PHLPP1: variants seen among roughly 807,000 people sequenced by gnomAD.
PHLPP1 encodes the protein PH domain and leucine rich repeat protein phosphatase 1.
Under a neutral mutation model 117.2 loss-of-function variants are expected in PHLPP1, and 42 were observed. That is an observed-to-expected ratio of 0.36 (90% CI 0.28 to 0.46). The LOEUF (loss-of-function observed/expected upper bound fraction) is 0.46. Among genes scored for constraint, PHLPP1 ranks in the 20% least tolerant of loss-of-function variants. The pLI, the probability that PHLPP1 is intolerant of heterozygous loss-of-function variation, is 1.00. For missense variants in PHLPP1, 2,084 were observed against 2,241.9 expected (o/e 0.93, Z 1.42); for synonymous variants, 1,042 against 970.7 (o/e 1.07, Z -1.37).
chr18:62,935,470 A>T (rs1330416142), intron 10 of PHLPP1, among the ~76,000 whole-genome samples: 1 of 152,230 alleles, frequency 6.6e-6, no homozygotes. Flanking sequence ...ATTTAACACA[A>T]TCATCATGTA....
intron 3 of PHLPP1, among the ~76,000 whole-genome samples, chr18:62,845,600 C>T (rs73967017): frequency 2.0e-5 from 3 of 152,074 alleles, no homozygotes; most frequent in Admixed American, 6.5e-5. Flanking sequence ...TCCAACATAT[C>T]GATTTGTGTT....
In PHLPP1 at chr18:62,975,502, T is replaced by C. The variant is rs770575167; in HGVS notation, c.3861T>C (p.Asn1287=). The part of the protein sequence containing the change: ...PGGSFTLTSA[N]VGKCQTVLCR... ...GATCCTTCACCTTGACCTCTGCTAATGTGGGCAAGTGCCAAACAGTTCTCT... is the reference window on the plus strand; with the variant it reads ...GATCCTTCACCTTGACCTCTGCTAACGTGGGCAAGTGCCAAACAGTTCTCT... The change falls in exon 16 of 17, where the codon AAT becomes AAC. Residue 1287 remains asparagine, a synonymous_variant. Coordinates refer to ENST00000262719, the MANE Select transcript of PHLPP1 (RefSeq NM_194449.4). 32 of 1,613,270 alleles carry C rather than the reference T, an allele frequency of 2.0e-5. No individual in the cohort carries two copies. The highest frequency in any genetic ancestry group is 2.2e-5 in the East Asian group (1 of 44,896).
At chr18:62,945,072 A>AT in intron 11 of PHLPP1, 37 bp from the exon 12 acceptor site, 1 of 1,439,160 alleles carries the variant, frequency 6.9e-7, no homozygotes, top group Non-Finnish European at 9.3e-7. Context: ...GTCCTATATT[A>AT]TTTTCTTTTA....
intron 12 of PHLPP1, among the ~76,000 whole-genome samples, chr18:62,949,981 C>CT (rs1314062681): frequency 1.7e-4 from 26 of 152,124 alleles, no homozygotes; most frequent in Non-Finnish European, 5.9e-5. Flanking sequence ...CCTTCCCCCG[C>CT]TTTTTTTGAC....
intron 1 of PHLPP1, among the ~76,000 whole-genome samples, chr18:62,750,628 G>A (rs1911821311): frequency 6.6e-6 from 1 of 151,324 alleles, no homozygotes; most frequent in African/African-American, 2.4e-5. Flanking sequence ...TCTTTTTCCT[G>A]ATTTCCAGCT....
chr18:62,927,832 A>T (rs28402162), intron 10 of PHLPP1, among the ~76,000 whole-genome samples: 69 of 152,070 alleles, frequency 4.5e-4, no homozygotes, highest in African/African-American at 1.6e-3. Flanking sequence ...GAATTTTTTC[A>T]ACAACAAACA....
chr18:62,855,438 G>C (rs1000972006), intron 3 of PHLPP1, among the ~76,000 whole-genome samples: 3 of 152,164 alleles, frequency 2.0e-5, no homozygotes, highest in Non-Finnish European at 4.4e-5. Context: ...CTTTGTGATA[G>C]AGCCCTGATG....
chr18:62,969,557 G>A (rs1599146847), intron 14 of PHLPP1, among the ~76,000 whole-genome samples: 1 of 152,116 alleles, frequency 6.6e-6, no homozygotes, highest in African/African-American at 2.4e-5. Flanking sequence ...CCAGTTTTCT[G>A]TCTTCTTCTT....
At chr18:62,781,991 G>A (rs1451222053) in intron 1 of PHLPP1, among the ~76,000 whole-genome samples, 2 of 152,222 alleles carry the variant, frequency 1.3e-5, no homozygotes, top group African/African-American at 4.8e-5. Flanking sequence ...AGCAGTGTTG[G>A]AGGTTCAGTG....
chr18:62,792,871 A>AG (rs1254722162), intron 1 of PHLPP1, among the ~76,000 whole-genome samples: 4 of 126,218 alleles, frequency 3.2e-5, no homozygotes, highest in Non-Finnish European at 5.8e-5. Flanking sequence ...TCTGTCTCAA[A>AG]AAAAAAAAAA....
At chr18:62,840,039 T>C (rs989917938) in intron 3 of PHLPP1, among the ~76,000 whole-genome samples, 1 of 152,058 alleles carries the variant, frequency 6.6e-6, no homozygotes, top group Non-Finnish European at 1.5e-5. Flanking sequence ...ATTTTTGAAT[T>C]GGTAATTTAA....
chr18:62,847,351 T>C (rs1915206192), intron 3 of PHLPP1, among the ~76,000 whole-genome samples: 3 of 152,064 alleles, frequency 2.0e-5, no homozygotes, highest in Non-Finnish European at 4.4e-5. Flanking sequence ...TCCATGTGGA[T>C]TGCCAGGACC....
chr18:62,971,169 G>T (rs1331655423), intron 14 of PHLPP1, among the ~76,000 whole-genome samples: 1 of 152,010 alleles, frequency 6.6e-6, no homozygotes, highest in African/African-American at 2.4e-5. Context: ...ATTTTGATGT[G>T]TCTCAGTTAA....
At chr18:62,874,749 C>T (rs766081287) in intron 4 of PHLPP1, among the ~76,000 whole-genome samples, 1 of 152,064 alleles carries the variant, frequency 6.6e-6, no homozygotes, top group Non-Finnish European at 1.5e-5. Context: ...CACTGGTGAA[C>T]GTAATGTGCA....
intron 10 of PHLPP1, among the ~76,000 whole-genome samples, chr18:62,937,396 T>C (rs1011647538): frequency 1.3e-5 from 2 of 152,236 alleles, no homozygotes; most frequent in Admixed American, 6.5e-5. Flanking sequence ...GTTTTAAGAA[T>C]TGAGTTTGAA....
intron 3 of PHLPP1, among the ~76,000 whole-genome samples, chr18:62,856,909 T>C (rs957866284): frequency 6.6e-6 from 1 of 151,994 alleles, no homozygotes; most frequent in African/African-American, 2.4e-5. Context: ...TTCCCAGCAG[T>C]CTTGACCCCC....
At chr18:62,912,856 A>C (rs931932805) in intron 8 of PHLPP1, among the ~76,000 whole-genome samples, 7 of 152,192 alleles carry the variant, frequency 4.6e-5, no homozygotes, top group Non-Finnish European at 1.0e-4. Context: ...CCTGACCTCA[A>C]GTGATCCACC....
intron 4 of PHLPP1, among the ~76,000 whole-genome samples, chr18:62,867,837 A>G (rs556388553): frequency 1.6e-3 from 237 of 151,594 alleles, no homozygotes; most frequent in Non-Finnish European, 2.9e-3. Flanking sequence ...TTTTAGATGG[A>G]GTCTGGCTCT....
chr18:62,820,540 T>G (rs1007390391), intron 1 of PHLPP1, among the ~76,000 whole-genome samples: 6 of 152,244 alleles, frequency 3.9e-5, no homozygotes, highest in Non-Finnish European at 4.4e-5. Flanking sequence ...CCCGATGCCA[T>G]TCTCATGATG....
Sources: gnomAD v4.1 joint callset for allele counts (sites outside exome capture counted in the v4.1 genomes callset) on GRCh38, gnomAD v4.1.1 for gene constraint, MANE v1.5 for transcripts, NCBI Gene and HGNC (gene_info 2026-07-23, HGNC 2026-07-21) for gene names.